ZFP1: variants seen among roughly 807,000 people sequenced by gnomAD.
ZFP1 encodes the protein ZFP1 zinc finger protein.
Under a neutral mutation model 38.5 loss-of-function variants are expected in ZFP1, and 32 were observed. The observed-to-expected ratio is 0.83, with a 90% CI of 0.63 to 1.12. The LOEUF is 1.12. Ranked by LOEUF, ZFP1 falls within the 50% of genes most tolerant of loss-of-function variation. The pLI, the probability that ZFP1 is intolerant of heterozygous loss-of-function variation, is 0.00. For missense variants in ZFP1, 616 were observed against 480.8 expected (o/e 1.28, Z -2.63); for synonymous variants, 245 against 168.8 (o/e 1.45, Z -3.50).
At chr16:75,165,762 T>G (rs949892937) in intron 2 of ZFP1, among the ~76,000 whole-genome samples, 16 of 152,262 alleles carry the variant, frequency 1.1e-4, no homozygotes, top group African/African-American at 3.6e-4. Flanking sequence ...GTTGCTGGTT[T>G]TAAAACTATA....
the ZFP1 span, among the ~76,000 whole-genome samples, chr16:75,120,004 T>C: frequency 2.6e-5 from 4 of 152,222 alleles, no homozygotes; most frequent in East Asian, 5.8e-4. Context: ...GAAAGAGCAA[T>C]GGCTGTGCTT....
chr16:75,152,677 C>G (rs1015051002), intron 1 of ZFP1, among the ~76,000 whole-genome samples: 1 of 152,144 alleles, frequency 6.6e-6, no homozygotes. Context: ...TGTTTTGCCT[C>G]TTTTGATAGT....
the ZFP1 span, among the ~76,000 whole-genome samples, chr16:75,140,341 G>A: frequency 6.6e-6 from 1 of 151,846 alleles, no homozygotes; most frequent in Non-Finnish European, 1.5e-5. Flanking sequence ...GACTGAGACA[G>A]GAGGACCACT....
chr16:75,143,411 T>A, the ZFP1 span, among the ~76,000 whole-genome samples: 3 of 151,798 alleles, frequency 2.0e-5, no homozygotes, highest in Non-Finnish European at 4.4e-5. Context: ...CCAGCTAATT[T>A]TTTTGTGTGT....
chr16:75,123,353 AAT>A, the ZFP1 span, among the ~76,000 whole-genome samples: 15 of 145,818 alleles, frequency 1.0e-4, no homozygotes, highest in African/African-American at 3.7e-4. Flanking sequence ...CTCTGTCTAA[AAT>A]ATATATATGT....
intron 1 of ZFP1, among the ~76,000 whole-genome samples, chr16:75,151,060 T>C (rs1035943273): frequency 6.6e-6 from 1 of 152,158 alleles, no homozygotes; most frequent in East Asian, 1.9e-4. Context: ...GGTTTTGCCA[T>C]GTTGCCCAGG....
the ZFP1 span, among the ~76,000 whole-genome samples, chr16:75,138,221 G>C: frequency 9.2e-3 from 1,400 of 152,010 alleles, 25 homozygotes; most frequent in African/African-American, 0.031. Context: ...ATTCTTAGTA[G>C]AGATGGGGTT....
intron 1 of ZFP1, among the ~76,000 whole-genome samples, chr16:75,150,354 G>T (rs1210768017): frequency 6.8e-6 from 1 of 146,768 alleles, no homozygotes; most frequent in Non-Finnish European, 1.5e-5. Flanking sequence ...GACTACAGGC[G>T]CCCGCCACTA....
rs1441539207 is a variant in ZFP1, at chr16:75,170,607, A to G, written c.*273A>G. On this transcript the variant is annotated 3_prime_UTR_variant, in exon 4 of 4. Coordinates refer to ENST00000570010, the MANE Select transcript of ZFP1 (RefSeq NM_153688.4). The stretch of plus-strand genomic sequence containing the variant: ...TTTTAAAATCTTGAATGAATTGAGT[A>G]TTCTAGACAGCAGCATAAGAAATAT... 1 of 341,182 alleles carries G rather than the reference A, an allele frequency of 2.9e-6. No homozygotes were observed. Among genetic ancestry groups the G allele is most frequent in the Non-Finnish European group, 5.2e-6 (1 of 191,440 alleles). 21.1% of individuals were successfully genotyped at this position (341,182 alleles called of 1,614,324 possible). A position where few individuals can be genotyped will look rare whatever the true frequency, so the allele number is the denominator to read the frequency against.
the ZFP1 span, among the ~76,000 whole-genome samples, chr16:75,121,784 C>T: frequency 5.3e-5 from 8 of 152,014 alleles, no homozygotes; most frequent in African/African-American, 1.4e-4. Flanking sequence ...AAAAAAGACT[C>T]GTCAAATATT....
the ZFP1 span, among the ~76,000 whole-genome samples, chr16:75,139,368 C>CA: frequency 9.1e-3 from 388 of 42,786 alleles, 86 homozygotes; most frequent in Non-Finnish European, 0.012. Context: ...GACTCCATCT[C>CA]AAAAAAAAAA....
the ZFP1 span, among the ~76,000 whole-genome samples, chr16:75,133,013 T>G: frequency 6.6e-6 from 1 of 151,422 alleles, no homozygotes; most frequent in Non-Finnish European, 1.5e-5. Context: ...AGTCTTGCCC[T>G]GTCACCCAGG....
At chr16:75,134,613 G>T in the ZFP1 span, among the ~76,000 whole-genome samples, 2 of 151,872 alleles carry the variant, frequency 1.3e-5, no homozygotes, top group Non-Finnish European at 2.9e-5. Context: ...TTAGCCAGGC[G>T]TGGTGGCGGG....
chr16:75,127,616 T>C, the ZFP1 span, among the ~76,000 whole-genome samples: 1 of 152,122 alleles, frequency 6.6e-6, no homozygotes, highest in African/African-American at 2.4e-5. Context: ...TCACTGTGTC[T>C]GGCCTAACAG....
the ZFP1 span, among the ~76,000 whole-genome samples, chr16:75,123,484 T>C: frequency 7.6e-6 from 1 of 132,440 alleles, no homozygotes; most frequent in East Asian, 2.3e-4. Context: ...TATATATATA[T>C]ATATATATAT....
upstream of ZFP1, among the ~76,000 whole-genome samples, chr16:75,145,829 C>G (rs1255136371): frequency 6.6e-6 from 1 of 152,188 alleles, no homozygotes; most frequent in Non-Finnish European, 1.5e-5. Flanking sequence ...CTGATCCTTT[C>G]TGGATGCTGG....
At chr16:75,154,535 A>AT (rs1459308327) in intron 2 of ZFP1, among the ~76,000 whole-genome samples, 1 of 146,214 alleles carries the variant, frequency 6.8e-6, no homozygotes, top group African/African-American at 2.5e-5. Flanking sequence ...TGGCTGTACC[A>AT]TTTTACATTC....
chr16:75,161,775 T>TATATATATATATATATATA (rs59261786), intron 2 of ZFP1, among the ~76,000 whole-genome samples: 46 of 6,236 alleles, frequency 7.4e-3, no homozygotes, highest in East Asian at 0.024. Context: ...TATATATATA[T>TATATATATATATATATATA]TTTTTTTTTT....
the ZFP1 span, among the ~76,000 whole-genome samples, chr16:75,124,490 C>G: frequency 2.1e-5 from 3 of 143,304 alleles, no homozygotes; most frequent in Non-Finnish European, 3.1e-5. Flanking sequence ...ATGTATAAAA[C>G]AAGGTAAAAG....
Sources: allele counts gnomAD v4.1 joint callset (sites outside exome capture counted in the v4.1 genomes callset), GRCh38; gene constraint gnomAD v4.1.1; transcripts MANE v1.5; gene names NCBI Gene and HGNC (gene_info 2026-07-23, HGNC 2026-07-21).